The following KYNU variants were observed in gnomAD, a reference collection of about 807,000 sequenced individuals.
The protein encoded by KYNU is L-kynurenine hydrolase.
Under a neutral mutation model 59.2 loss-of-function variants are expected in KYNU, and 54 were observed. The observed-to-expected ratio is 0.91, with a 90% CI of 0.73 to 1.14. The LOEUF (loss-of-function observed/expected upper bound fraction) is 1.14. Among genes scored for constraint, KYNU ranks in the 50% most tolerant of loss-of-function variants. The pLI is 0.00. For missense variants in KYNU, 567 were observed against 554.4 expected, an observed-to-expected ratio of 1.02 and a Z score of -0.23; for synonymous variants, 177 against 192.0, an observed-to-expected ratio of 0.92 and a Z score of 0.65.
At chr2:143,002,321 C>T (rs1182831929) in intron 10 of KYNU, among the ~76,000 whole-genome samples, 1 of 152,158 alleles carries the variant, frequency 6.6e-6, no homozygotes, top group Non-Finnish European at 1.5e-5. Context: ...ATTAATAAAA[C>T]CCCAATGTCT....
intron 13 of KYNU, among the ~76,000 whole-genome samples, chr2:143,041,105 C>CA (rs1334640720): frequency 6.6e-6 from 1 of 151,860 alleles, no homozygotes; most frequent in Non-Finnish European, 1.5e-5. Flanking sequence ...TCACTTCTGT[C>CA]AAAAAAGATA....
At chr2:142,982,240 A>G (rs1421269599) in intron 8 of KYNU, among the ~76,000 whole-genome samples, 2 of 152,116 alleles carry the variant, frequency 1.3e-5, no homozygotes, top group African/African-American at 4.8e-5. Flanking sequence ...TAAACCAGTC[A>G]TACACAAACC....
intron 2 of KYNU, among the ~76,000 whole-genome samples, chr2:142,893,121 G>C (rs972895565): frequency 6.6e-6 from 1 of 152,286 alleles, no homozygotes; most frequent in Non-Finnish European, 1.5e-5. Context: ...TGCATGTAGG[G>C]TACAACTAGC....
chr2:143,021,166 T>C (rs545124112), intron 10 of KYNU, among the ~76,000 whole-genome samples: 4 of 152,306 alleles, frequency 2.6e-5, no homozygotes, highest in African/African-American at 9.6e-5. Context: ...TGTACTCTTG[T>C]ACTAGAAAGA....
intron 5 of KYNU, 75 bp downstream of exon 5, chr2:142,954,946 G>C (rs1291591481): frequency 2.2e-6 from 2 of 927,102 alleles, no homozygotes; most frequent in East Asian, 2.4e-5. Flanking sequence ...TTTAATTCAT[G>C]AGCTTCTGGG....
intron 2 of KYNU, among the ~76,000 whole-genome samples, chr2:142,906,159 G>T (rs1482988952): frequency 2.0e-5 from 3 of 152,050 alleles, no homozygotes; most frequent in East Asian, 1.9e-4. Flanking sequence ...GCAGAAGGAA[G>T]TTCGCTTGTT....
At position 142,927,728 on chromosome 2, in the gene KYNU, GA is replaced by G; in HGVS notation, c.362del (p.Lys121ArgfsTer4). On this transcript the variant is annotated frameshift_variant, in exon 4 of 14. Transcript: ENST00000264170. LOFTEE classifies it high-confidence loss of function. Reference protein sequence around the residue: ...TGDESIVGLMKDIVGANEKEI... With the variant: ...TGDESIVGLMXDIVGANEKEI... ...GAGATGAGAGTATTGTAGGCCTTATGAAGGACATTGTAGGTAAGTACAAAAC... is the reference window on the plus strand; with the variant it reads ...GAGATGAGAGTATTGTAGGCCTTATGAGGACATTGTAGGTAAGTACAAAAC... 6.2e-7 allele frequency: 1 copy of G among 1,610,184 alleles called. No homozygotes were observed. The highest frequency in any genetic ancestry group is 1.7e-5 in the Admixed American group (1 of 60,022).
Position 143,055,108 on chromosome 2 carries a change from A to G in KYNU, c.*12936A>G, listed in dbSNP as rs1271490180. ...TGCAAAATTATAAAAAAGAACGATGACAAACTAAAAAGGTGTAGTATTCTT... is the reference window on the plus strand; with the variant it reads ...TGCAAAATTATAAAAAAGAACGATGGCAAACTAAAAAGGTGTAGTATTCTT... On this transcript the variant is annotated 3_prime_UTR_variant, in exon 14 of 14. Coordinates refer to ENST00000264170, the MANE Select transcript of KYNU (RefSeq NM_003937.3). 6.6e-6 allele frequency: 1 copy of G among 152,220 alleles called. No homozygotes were observed. Among genetic ancestry groups the G allele is most frequent in the Non-Finnish European group, 1.5e-5 (1 of 68,044 alleles). 9.4% of individuals were successfully genotyped at this position (152,220 alleles called of 1,614,324 possible). A position where few individuals can be genotyped will look rare whatever the true frequency, so the allele number is the denominator to read the frequency against.
chr2:143,001,319 A>G (rs1253822681), intron 10 of KYNU, among the ~76,000 whole-genome samples: 1 of 152,186 alleles, frequency 6.6e-6, no homozygotes, highest in African/African-American at 2.4e-5. Context: ...TGGTGGGCAG[A>G]GACAATGCCT....
chr2:142,947,348 C>T, intron 4 of KYNU: 1 of 931,690 alleles, frequency 1.1e-6, no homozygotes, highest in Non-Finnish European at 1.6e-6. Context: ...GATGGGATTT[C>T]CTCTTCAAGC....
intron 10 of KYNU, among the ~76,000 whole-genome samples, chr2:142,990,451 A>G (rs182808856): frequency 0.01 from 1,564 of 151,980 alleles, 12 homozygotes; most frequent in Middle Eastern, 0.02. Context: ...ATCCTTTAAA[A>G]GGATTCTTCT....
chr2:142,993,605 TA>T (rs796779227), intron 10 of KYNU, among the ~76,000 whole-genome samples: 1 of 152,022 alleles, frequency 6.6e-6, no homozygotes, highest in African/African-American at 2.4e-5. Context: ...AGGATTTTTT[TA>T]AAAAATCTTC....
At chr2:143,021,887 GA>G (rs1686419609) in intron 10 of KYNU, among the ~76,000 whole-genome samples, 1 of 151,988 alleles carries the variant, frequency 6.6e-6, no homozygotes, top group Admixed American at 6.6e-5. Flanking sequence ...TCTTAATATT[GA>G]ATATTGTTCA....
chr2:142,924,730 C>G (rs1391024207), intron 3 of KYNU, among the ~76,000 whole-genome samples: 1 of 152,138 alleles, frequency 6.6e-6, no homozygotes, highest in East Asian at 1.9e-4. Context: ...TTTTCCTTTC[C>G]AGCATTTGTA....
At chr2:142,981,938 A>G (rs1373935738) in intron 8 of KYNU, among the ~76,000 whole-genome samples, 1 of 152,082 alleles carries the variant, frequency 6.6e-6, no homozygotes, top group Non-Finnish European at 1.5e-5. Context: ...GTAGCGTAAA[A>G]GCAGCCATGG....
chr2:142,915,599 T>C (rs1340867915), intron 2 of KYNU, among the ~76,000 whole-genome samples: 1 of 152,188 alleles, frequency 6.6e-6, no homozygotes, highest in African/African-American at 2.4e-5. Context: ...TGCACTAAAA[T>C]GCTCCTCAAG....
intron 10 of KYNU, among the ~76,000 whole-genome samples, chr2:142,988,343 A>G (rs1186556157): frequency 2.6e-5 from 4 of 151,878 alleles, no homozygotes; most frequent in Admixed American, 6.6e-5. Flanking sequence ...TATAACCTCA[A>G]AGTTTATGGT....
At chr2:143,039,687 C>T (rs998491117) in intron 12 of KYNU, among the ~76,000 whole-genome samples, 24 of 151,998 alleles carry the variant, frequency 1.6e-4, no homozygotes, top group African/African-American at 5.8e-4. Flanking sequence ...CAAAGTTTTA[C>T]AGGTGTAAGT....
At chr2:143,029,705 C>G (rs6430000) in intron 11 of KYNU, 26 bp downstream of exon 11, 1 of 1,324,598 alleles carries the variant, frequency 7.5e-7, no homozygotes, top group South Asian at 1.2e-5. Context: ...TTACCTAATG[C>G]CATTTTTATT....
Sources: allele counts gnomAD v4.1 joint callset (sites outside exome capture counted in the v4.1 genomes callset), GRCh38; gene constraint gnomAD v4.1.1; transcripts MANE v1.5; gene names NCBI Gene and HGNC (gene_info 2026-07-23, HGNC 2026-07-21).